ZNF280C: variants seen among roughly 807,000 people sequenced by gnomAD.
ZNF280C encodes zinc finger protein 280C.
Under a neutral mutation model 53.6 loss-of-function variants are expected in ZNF280C, and 14 were observed. That is an observed-to-expected ratio of 0.26 (90% CI 0.17 to 0.41). The LOEUF is 0.41. Among genes scored for constraint, ZNF280C ranks in the 10% least tolerant of loss-of-function variants. The pLI is 1.00. For missense variants in ZNF280C, 416 were observed against 547.1 expected, an observed-to-expected ratio of 0.76 and a Z score of 2.39; for synonymous variants, 203 against 181.1, an observed-to-expected ratio of 1.12 and a Z score of -0.97.
chrX:130,265,561 A>G (rs1185547545), intron 1 of ZNF280C, among the ~76,000 whole-genome samples: 4 of 112,015 alleles, frequency 3.6e-5, no homozygotes, highest in Non-Finnish European at 5.6e-5. Flanking sequence ...TTTTTATACG[A>G]GTAAAACTTA....
At chrX:130,257,493 G>A (rs763314176) in intron 2 of ZNF280C, among the ~76,000 whole-genome samples, 133 of 111,505 alleles carry the variant, frequency 1.2e-3, no homozygotes, top group African/African-American at 4.1e-3. Flanking sequence ...TTCCTTGACA[G>A]AAAATCACTA....
chrX:130,215,034 T>C (rs767049944), intron 15 of ZNF280C, among the ~76,000 whole-genome samples, 159 bp downstream of exon 15: 2 of 112,314 alleles, frequency 1.8e-5, no homozygotes, highest in Admixed American at 9.4e-5. Flanking sequence ...TGAGTTACTA[T>C]GCTGGAAAAT....
intron 1 of ZNF280C, among the ~76,000 whole-genome samples, chrX:130,262,674 GC>G (rs1359720210): frequency 9.0e-6 from 1 of 111,405 alleles, no homozygotes; most frequent in Non-Finnish European, 1.9e-5. Flanking sequence ...ATCAAAATAG[GC>G]ACAAGAGGAA....
intron 2 of ZNF280C, 131 bp from the exon 3 acceptor site, chrX:130,247,136 T>G: frequency 2.8e-6 from 2 of 721,416 alleles, no homozygotes; most frequent in Non-Finnish European, 4.0e-6. Flanking sequence ...ATTTGTTTGT[T>G]TTTGTGACAG....
chrX:130,222,708 A>C (rs1416559650), intron 12 of ZNF280C, among the ~76,000 whole-genome samples: 3 of 112,282 alleles, frequency 2.7e-5, no homozygotes, highest in Non-Finnish European at 3.8e-5. Flanking sequence ...TTTGTTGCCC[A>C]GGCTGGAGTG....
chrX:130,215,126 A>G, intron 15 of ZNF280C, 67 bp downstream of exon 15: 1 of 1,145,424 alleles, frequency 8.7e-7, no homozygotes, highest in East Asian at 3.0e-5. Context: ...CAATAGGATA[A>G]CTCTGTTTTC....
At chrX:130,219,055 A>G (rs1383390418) in intron 13 of ZNF280C, among the ~76,000 whole-genome samples, 1 of 111,887 alleles carries the variant, frequency 8.9e-6, no homozygotes, top group South Asian at 3.7e-4. Flanking sequence ...TTTTATATTA[A>G]TTTTGTTAAT....
At chrX:130,255,401 A>G (rs1354227151) in intron 2 of ZNF280C, among the ~76,000 whole-genome samples, 1 of 106,072 alleles carries the variant, frequency 9.4e-6, no homozygotes, top group African/African-American at 3.4e-5. Context: ...CGGCCTCCCA[A>G]AGTGCTGGGA....
chrX:130,205,418 A>G lies in ZNF280C; in HGVS notation c.2043-3T>C. 1 of 1,122,332 alleles carries G rather than the reference A, an allele frequency of 8.9e-7. No individual in the cohort carries two copies. Among genetic ancestry groups the G allele is most frequent in the African/African-American group, 1.8e-5 (1 of 55,028 alleles). 92.5% of individuals were successfully genotyped at this position (1,122,332 alleles called of 1,213,427 possible). On this transcript the variant is annotated splice_region_variant and splice_polypyrimidine_tract_variant and intron_variant, in intron 16 of 18. Transcript: ENST00000370978. ...TAAGGCACACTAGAGTAATGCCCCT[A>G]TGAAAAAAAAGAAGACAGTAAGAAA... is the stretch of plus-strand genomic sequence containing the variant.
chrX:130,215,168 T>C (rs754376226), intron 15 of ZNF280C, 25 bp downstream of exon 15: 3 of 1,198,620 alleles, frequency 2.5e-6, no homozygotes, highest in South Asian at 1.8e-5. Flanking sequence ...GAAATTCTGA[T>C]TGGCAGTTTA....
In ZNF280C at chrX:130,232,317, T is replaced by C. The variant is rs6637703; in HGVS notation, c.772-1590A>G. Among the ~76,000 whole-genome samples, 359 of 106,128 alleles carry C rather than the reference T, an allele frequency of 3.4e-3. 3 individuals are homozygous for C. Among genetic ancestry groups the C allele is most frequent in the African/African-American group, 0.012 (339 of 29,027 alleles). The allele number at this position is 106,128 out of a possible 115,157, so 92.2% of individuals were successfully genotyped here. On this transcript the variant is annotated intron_variant, in intron 8 of 18. Transcript: ENST00000370978. ...TATAAACTGATCCTAATTGGAATAC[T>C]TTCATATATAAGCCTTTTTTATCCA... is the stretch of plus-strand genomic sequence containing the variant.
In ZNF280C at chrX:130,204,657, C is replaced by A. The variant is rs535248895; in HGVS notation, c.*320G>T. ...AAATTAAGAAAGCAGACAAAACAGA[C>A]AGAAAAAGATGAACAGTCATATTAT... is the stretch of plus-strand genomic sequence containing the variant. On this transcript the variant is annotated 3_prime_UTR_variant, in exon 19 of 19. Transcript: ENST00000370978. 3.8e-5 allele frequency: 8 copies of A among 211,763 alleles called. No individual in the cohort carries two copies. In the South Asian group the frequency reaches 1.7e-3, roughly 45 times the overall value. The allele number at this position is 211,763 out of a possible 1,213,427, so 17.5% of individuals were successfully genotyped here.
intron 15 of ZNF280C, among the ~76,000 whole-genome samples, chrX:130,213,198 A>C (rs941619218): frequency 3.7e-5 from 4 of 109,409 alleles, no homozygotes; most frequent in African/African-American, 1.3e-4. Context: ...CTACAGATAC[A>C]AAAAAAATAA....
intron 13 of ZNF280C, 48 bp downstream of exon 13, chrX:130,220,301 A>G (rs2032150771): frequency 2.8e-6 from 3 of 1,071,696 alleles, no homozygotes; most frequent in Middle Eastern, 2.9e-4. Context: ...ACATAAAAAA[A>G]TTAATAGAAT....
At chrX:130,266,204 A>C (rs2032686215) in intron 1 of ZNF280C, among the ~76,000 whole-genome samples, 1 of 112,410 alleles carries the variant, frequency 8.9e-6, no homozygotes, top group Admixed American at 9.5e-5. Flanking sequence ...AATGTCTTTA[A>C]TATTTATCTT....
intron 15 of ZNF280C, 44 bp downstream of exon 15, chrX:130,215,149 A>G (rs763500201): frequency 1.7e-6 from 2 of 1,188,657 alleles, no homozygotes; most frequent in Non-Finnish European, 2.3e-6. Flanking sequence ...AAAACAAATG[A>G]CCCAAATGGA....
chrX:130,218,723 G>T (rs1014221182), intron 13 of ZNF280C, among the ~76,000 whole-genome samples: 1 of 111,989 alleles, frequency 8.9e-6, no homozygotes, highest in South Asian at 3.7e-4. Flanking sequence ...CCTTGAGTAA[G>T]GAATTTAGCC....
intron 1 of ZNF280C, among the ~76,000 whole-genome samples, chrX:130,268,205 G>A (rs2032710346): frequency 9.0e-6 from 1 of 111,569 alleles, no homozygotes; most frequent in Non-Finnish European, 1.9e-5. Context: ...TGACAGAGAA[G>A]GGAAGTCCCT....
At chrX:130,215,365 G>A in intron 14 of ZNF280C, 32 bp from the exon 15 acceptor site, 2 of 1,121,052 alleles carry the variant, frequency 1.8e-6, no homozygotes, top group Non-Finnish European at 2.4e-6. Flanking sequence ...GATAAAAAGA[G>A]ATTATAAAAC....
Sources: allele counts gnomAD v4.1 joint callset (sites outside exome capture counted in the v4.1 genomes callset), GRCh38; gene constraint gnomAD v4.1.1; transcripts MANE v1.5; gene names NCBI Gene and HGNC (gene_info 2026-07-23, HGNC 2026-07-21).